The following RSRP1 variants were observed in gnomAD, a reference collection of about 807,000 sequenced individuals.
The protein encoded by RSRP1 is arginine/serine-rich protein 1.
A neutral mutation model predicts 33.0 loss-of-function variants in RSRP1; 37 were observed. The observed-to-expected ratio is 1.12, with a 90% CI of 0.86 to 1.48. The LOEUF (loss-of-function observed/expected upper bound fraction) is 1.48. Ranked by LOEUF, RSRP1 falls within the 40% of genes most tolerant of loss-of-function variation. The pLI, the probability that RSRP1 is intolerant of heterozygous loss-of-function variation, is 0.00. For synonymous variants in RSRP1, 167 were observed against 158.7 expected (o/e 1.05, Z -0.40); for missense variants, 402 against 385.3 (o/e 1.04, Z -0.36).
chr1:25,292,481 G>C (rs1285198216), intron 1 of RSRP1, among the ~76,000 whole-genome samples: 1 of 132,286 alleles, frequency 7.6e-6, no homozygotes, highest in African/African-American at 2.6e-5. Flanking sequence ...TTTGCTGATA[G>C]ACTGCACGTG....
chr1:25,321,451 G>A lies in RSRP1; in HGVS notation c.-67+16527C>T, dbSNP rs555403317. ...TGAGGTGGGTGGATCACCTGAGGTC[G>A]GGAGTTCGAGACCAGCCTGGCCAAC... is the stretch of plus-strand genomic sequence containing the variant. On this transcript the variant is annotated intron_variant, in intron 1 of 1. Coordinates refer to the RSRP1 transcript ENST00000561867. Among the ~76,000 whole-genome samples the A allele has an allele frequency of 6.9e-4, 82 of 118,826 alleles. 13 individuals carry two copies. Among genetic ancestry groups the A allele is most frequent in the East Asian group, 6.8e-3 (34 of 4,968 alleles). The allele number at this position is 118,826 out of a possible 152,430, so 78.0% of individuals were successfully genotyped here.
At chr1:25,306,503 T>G in intron 1 of RSRP1, 1 of 1,192,298 alleles carries the variant, frequency 8.4e-7, no homozygotes, top group Non-Finnish European at 1.2e-6. Flanking sequence ...CCATCCCCCT[T>G]TGGTGGCCCC....
At chr1:25,289,297 C>A (rs1350153559) in intron 1 of RSRP1, among the ~76,000 whole-genome samples, 1 of 130,670 alleles carries the variant, frequency 7.7e-6, no homozygotes, top group Non-Finnish European at 1.8e-5. Context: ...CGGGTTCAAG[C>A]GACTGCCATG....
intron 1 of RSRP1, chr1:25,303,597 A>G: frequency 1.1e-6 from 1 of 944,394 alleles, no homozygotes; most frequent in South Asian, 1.4e-5. Context: ...ACGCCTAGTG[A>G]GGGATCCATC....
In RSRP1 at chr1:25,269,671, G is replaced by A. The variant is rs1163695761; in HGVS notation, c.-66-22642C>T. Among the ~76,000 whole-genome samples the A allele has an allele frequency of 5.2e-5, 7 of 133,514 alleles. 2 individuals carry two copies. Among genetic ancestry groups the A allele is most frequent in the Non-Finnish European group, 1.2e-4 (7 of 56,198 alleles). 87.6% of individuals were successfully genotyped at this position (133,514 alleles called of 152,430 possible). A position where few individuals can be genotyped will look rare whatever the true frequency, so the allele number is the denominator to read the frequency against. On this transcript the variant is annotated intron_variant, in intron 1 of 1. Transcript: ENST00000561867. Reference sequence around the variant, plus strand: ...ATTTAAAGACAGAATATCAGGAAATGTAGTCAGAAAATGGGGCCTTTTATA... The same window carrying A: ...ATTTAAAGACAGAATATCAGGAAATATAGTCAGAAAATGGGGCCTTTTATA...
At chr1:25,247,056 G>A (rs951578235) in intron 1 of RSRP1, 27 bp from the exon 2 acceptor site, 5 of 1,317,150 alleles carry the variant, frequency 3.8e-6, no homozygotes, top group Non-Finnish European at 5.1e-6. Context: ...GAAAAAACAA[G>A]TCGAGTCGCG....
chr1:25,271,914 C>G lies in RSRP1; in HGVS notation c.-66-24885G>C, dbSNP rs186476872. On this transcript the variant is annotated intron_variant, in intron 1 of 1. Coordinates refer to the RSRP1 transcript ENST00000561867. ...ATCTCCTTTCTCTTCTGCCACCCCC[C>G]CTTAAAATGCTTAGAAACACATAGA... Among the ~76,000 whole-genome samples, 7 of 131,730 alleles carry G rather than the reference C, an allele frequency of 5.3e-5. 1 individual carries two copies. Among genetic ancestry groups the G allele is most frequent in the East Asian group, 3.9e-4 (2 of 5,096 alleles). The allele number at this position is 131,730 out of a possible 152,430, so 86.4% of individuals were successfully genotyped here. A position where few individuals can be genotyped will look rare whatever the true frequency, so the allele number is the denominator to read the frequency against.
intron 1 of RSRP1, among the ~76,000 whole-genome samples, chr1:25,252,680 C>T (rs190742637): frequency 6.6e-6 from 1 of 152,078 alleles, no homozygotes; most frequent in Non-Finnish European, 1.5e-5. Context: ...ATTACAGGCG[C>T]CAGCAACTAC....
At chr1:25,253,205 T>G (rs1166978937) in intron 1 of RSRP1, 3 of 152,112 alleles carry the variant, frequency 2.0e-5, no homozygotes, top group Non-Finnish European at 2.9e-5. Flanking sequence ...ACCACATCGG[T>G]GCATACAGAA....
In RSRP1 at chr1:25,333,562, A is replaced by G. The variant is rs1270592143; in HGVS notation, c.-67+4416T>C. 1.1e-4 allele frequency among the ~76,000 whole-genome samples: 14 copies of G among 130,448 alleles called. 4 individuals carry two copies. The highest frequency in any genetic ancestry group is 1.3e-4 in the Non-Finnish European group (7 of 55,522). 85.6% of individuals were successfully genotyped at this position (130,448 alleles called of 152,430 possible). On this transcript the variant is annotated intron_variant, in intron 1 of 1. Transcript: ENST00000561867. ...CCAGGGAGAGACGGATAAGTGATCT[A>G]ACTCCTGAGGAGGTGGCCTGGCCAG...
intron 1 of RSRP1, among the ~76,000 whole-genome samples, chr1:25,305,473 T>C (rs1451311473): frequency 2.5e-5 from 1 of 39,542 alleles, no homozygotes; most frequent in Non-Finnish European, 7.4e-5. Context: ...CTCAGCTCAC[T>C]GCAACCTCCA....
In RSRP1 at chr1:25,311,003, G is replaced by A. The variant is rs1443929942; in HGVS notation, c.-67+26975C>T. ...AAAAAAAAAAAGAAAGAAAAAGAAT[G>A]GAGCATTAAAGACAGTTCTGCAGTT... On this transcript the variant is annotated intron_variant, in intron 1 of 1. Transcript: ENST00000561867. Among the ~76,000 whole-genome samples the A allele has an allele frequency of 3.9e-5, 5 of 129,672 alleles. 1 individual carries two copies. 85.1% of individuals were successfully genotyped at this position (129,672 alleles called of 152,430 possible).
chr1:25,249,631 T>G (rs1639714475), upstream of RSRP1, among the ~76,000 whole-genome samples: 1 of 152,206 alleles, frequency 6.6e-6, no homozygotes, highest in Non-Finnish European at 1.5e-5. Flanking sequence ...CGTGAGCCAC[T>G]GTGCCCAGCA....
At chr1:25,277,768 A>T (rs1641139781) in intron 1 of RSRP1, among the ~76,000 whole-genome samples, 1 of 120,382 alleles carries the variant, frequency 8.3e-6, no homozygotes, top group African/African-American at 2.8e-5. Flanking sequence ...TCCACCTCCC[A>T]GGTTCAAGTA....
intron 2 of RSRP1, chr1:25,245,843 TTATA>T: frequency 6.4e-6 from 1 of 156,138 alleles, no homozygotes; most frequent in East Asian, 1.9e-4. Flanking sequence ...TGTAGATTCT[TTATA>T]TAATTATCAC....
intron 1 of RSRP1, among the ~76,000 whole-genome samples, chr1:25,312,759 A>C (rs1392214248): frequency 1.7e-5 from 2 of 117,128 alleles, no homozygotes; most frequent in Admixed American, 1.7e-4. Context: ...CTACAAATAA[A>C]ATTAAATAAA....
At position 25,246,496 on chromosome 1, in the gene RSRP1, G is replaced by A; in HGVS notation, c.468C>T (p.Asp156=). ...VYPEEHSRWR[D]RSRTRSRSRT... is the part of the protein sequence containing the mutation. The stretch of plus-strand genomic sequence containing the variant: ...TGCTCCGCGACCTCGTCCTGGATCT[G>A]TCCCTCCATCTGCTGTGCTCCTCCG... The change falls in exon 2 of 5, where the codon GAC becomes GAT. Residue 156 remains aspartate (D), a synonymous_variant. Coordinates refer to ENST00000243189, the MANE Select transcript of RSRP1 (RefSeq NM_020317.5). The A allele has an allele frequency of 6.2e-7, 1 of 1,614,242 alleles. No homozygotes were observed. The highest frequency in any genetic ancestry group is 8.5e-7 in the Non-Finnish European group (1 of 1,180,042).
At position 25,266,675 on chromosome 1, in the gene RSRP1, GA is replaced by G. The variant is rs1215003481; in HGVS notation, c.-66-19647del. 1.5e-5 allele frequency: 2 copies of G among 133,446 alleles called. 1 individual carries two copies. Among genetic ancestry groups the G allele is most frequent in the Non-Finnish European group, 3.5e-5 (2 of 57,414 alleles). 8.3% of individuals were successfully genotyped at this position (133,446 alleles called of 1,614,324 possible). A position where few individuals can be genotyped will look rare whatever the true frequency, so the allele number is the denominator to read the frequency against. On this transcript the variant is annotated intron_variant, in intron 1 of 1. Transcript: ENST00000561867. ...CTGCCGCCGTACATGTCAATCAGAT[GA>G]ACCTGTGCGTATCTCTTAATGACAA...
At position 25,298,577 on chromosome 1, in the gene RSRP1, T is replaced by C. The variant is rs1206219657; in HGVS notation, c.-67+39401A>G. On this transcript the variant is annotated intron_variant, in intron 1 of 1. Transcript: ENST00000561867. Reference sequence around the variant, plus strand: ...CTTCCTGAACTCCTTCCTGGTGGAGTTCAAAGAGATGAAAAACACAAGCCC... The same window carrying C: ...CTTCCTGAACTCCTTCCTGGTGGAGCTCAAAGAGATGAAAAACACAAGCCC... Among the ~76,000 whole-genome samples the C allele has an allele frequency of 5.3e-5, 7 of 131,390 alleles. 1 individual carries two copies. The highest frequency in any genetic ancestry group is 1.8e-4 in the African/African-American group (7 of 38,276). 86.2% of individuals were successfully genotyped at this position (131,390 alleles called of 152,430 possible).
Sources: gnomAD v4.1 joint callset for allele counts (sites outside exome capture counted in the v4.1 genomes callset) on GRCh38, gnomAD v4.1.1 for gene constraint, MANE v1.5 for transcripts, NCBI Gene and HGNC (gene_info 2026-07-23, HGNC 2026-07-21) for gene names.